Variants in GYG2 observed in about 807,000 individuals in gnomAD.
GYG2 encodes the protein glycogenin-2.
GYG2 carries 29 observed loss-of-function variants against 29.4 expected under a neutral mutation model. The ratio of observed to expected loss-of-function variants is 0.99; its 90% CI spans 0.74 to 1.35. GYG2 has a LOEUF of 1.35. GYG2 is among the 40% of genes most tolerant of loss of function. The pLI, the probability that GYG2 is intolerant of heterozygous loss-of-function variation, is 0.00. For synonymous variants in GYG2, 167 were observed against 172.3 expected (o/e 0.97, Z 0.24); for missense variants, 370 against 385.7 (o/e 0.96, Z 0.34).
At chrX:2,845,717 A>T (rs1175574525) in intron 3 of GYG2, among the ~76,000 whole-genome samples, 1 of 105,589 alleles carries the variant, frequency 9.5e-6, no homozygotes, top group African/African-American at 3.4e-5. Flanking sequence ...GTATGTACAT[A>T]TATTTATGCA....
rs748899442 is a variant in GYG2 at position 2,844,022 on chromosome X, G to A, written c.149+668G>A. Among the ~76,000 whole-genome samples the A allele has an allele frequency of 1.4e-3, 152 of 111,945 alleles. 1 individual carries two copies. In the Middle Eastern group the frequency reaches 0.014, roughly 10 times the overall value. On this transcript the variant is annotated intron_variant, in intron 3 of 10. Transcript: ENST00000398806. ...ATAAAGCAAATACATAAATAAATGCGTCTAATGAATAAAGCATAAGGCTTC... is the reference window on the plus strand; with the variant it reads ...ATAAAGCAAATACATAAATAAATGCATCTAATGAATAAAGCATAAGGCTTC...
intron 2 of GYG2, among the ~76,000 whole-genome samples, chrX:2,842,185 C>CTT (rs558149981): frequency 9.7e-6 from 1 of 102,672 alleles, no homozygotes; most frequent in African/African-American, 3.5e-5. Context: ...TCTTTCCTTT[C>CTT]TTTCTTTTTT....
chrX:2,851,848 A>C (rs754470328), intron 3 of GYG2, among the ~76,000 whole-genome samples: 23 of 112,455 alleles, frequency 2.0e-4, no homozygotes, highest in Non-Finnish European at 3.6e-4. Context: ...AGTTGTTACT[A>C]TAGTGTTTGC....
At chrX:2,857,754 G>C (rs1475690099) in intron 6 of GYG2, among the ~76,000 whole-genome samples, 3 of 110,961 alleles carry the variant, frequency 2.7e-5, no homozygotes, top group African/African-American at 9.8e-5. Context: ...GCTAGCCAAG[G>C]CTCTACGACA....
intron 6 of GYG2, among the ~76,000 whole-genome samples, chrX:2,859,547 ATAG>A (rs761168791): frequency 3.6e-5 from 4 of 110,781 alleles, no homozygotes; most frequent in East Asian, 2.8e-4. Flanking sequence ...ACATGCATTG[ATAG>A]TAGTAGTGTA....
chrX:2,863,223 C>T (rs956683911), intron 8 of GYG2, among the ~76,000 whole-genome samples: 3 of 109,435 alleles, frequency 2.7e-5, no homozygotes, highest in Non-Finnish European at 3.8e-5. Context: ...TGCAGGTGCC[C>T]GCCACCGCGC....
chrX:2,859,897 C>T lies in GYG2; in HGVS notation c.669C>T (p.Asn223=), dbSNP rs775471215. ...TTTTGGGGTCCATGAAACCTTGGAACTACAAGTACAATCCACAGAGTGGCT... is the reference window on the plus strand; with the variant it reads ...TTTTGGGGTCCATGAAACCTTGGAATTACAAGTACAATCCACAGAGTGGCT... ...VHFLGSMKPW[N]YKYNPQSGSV... Residue 223 remains asparagine (N), a synonymous_variant, in exon 7 of 11, where the codon AAC becomes AAT. Transcript: ENST00000398806. The T allele has an allele frequency of 2.5e-6, 3 of 1,206,580 alleles. No homozygotes were observed. Among genetic ancestry groups the T allele is most frequent in the Non-Finnish European group, 3.4e-6 (3 of 891,185 alleles).
intron 6 of GYG2, among the ~76,000 whole-genome samples, chrX:2,858,349 T>A (rs1569065741): frequency 9.0e-6 from 1 of 111,062 alleles, no homozygotes; most frequent in Non-Finnish European, 1.9e-5. Context: ...ACCGCTAGTC[T>A]CAGCTACTCG....
intron 10 of GYG2, among the ~76,000 whole-genome samples, chrX:2,880,063 C>A (rs1201229760): frequency 1.8e-5 from 2 of 111,272 alleles, no homozygotes; most frequent in Non-Finnish European, 3.8e-5. Flanking sequence ...ATTATTGTTA[C>A]CATCTTTAAA....
rs190069936 is a variant in GYG2, at chrX:2,837,938, G to A, written c.8-5275G>A. Among the ~76,000 whole-genome samples the A allele has an allele frequency of 7.0e-3, 768 of 109,271 alleles. 9 individuals carry two copies. The highest frequency in any genetic ancestry group is 9.4e-3 in the Non-Finnish European group (497 of 52,630). 94.9% of individuals were successfully genotyped at this position (109,271 alleles called of 115,157 possible). A position where few individuals can be genotyped will look rare whatever the true frequency, so the allele number is the denominator to read the frequency against. On this transcript the variant is annotated intron_variant, in intron 2 of 10. Coordinates refer to ENST00000398806, the MANE Select transcript of GYG2 (RefSeq NM_001079855.2). ...CTGTAACCCAAGCTGGAGTGCAGTG[G>A]CACAATTATATCTCACTGCAGCCTC...
intron 5 of GYG2, among the ~76,000 whole-genome samples, chrX:2,856,243 A>G (rs932338241): frequency 9.0e-6 from 1 of 111,645 alleles, no homozygotes; most frequent in African/African-American, 3.3e-5. Context: ...TGGACTCCAT[A>G]TGCAATTTTA....
At chrX:2,830,276 C>T in intron 2 of GYG2, 81 bp downstream of exon 2, 1 of 881,569 alleles carries the variant, frequency 1.1e-6, no homozygotes. Flanking sequence ...TGGGGAGAAC[C>T]CCACTTTGAC....
In GYG2 at chrX:2,881,042, T is replaced by C. The variant is rs1416737690; in HGVS notation, c.1252-10T>C. 8.3e-7 allele frequency: 1 copy of C among 1,206,747 alleles called. No homozygotes were observed. The highest frequency in any genetic ancestry group is 1.8e-5 in the African/African-American group (1 of 57,136). On this transcript the variant is annotated splice_polypyrimidine_tract_variant and intron_variant, in intron 10 of 10. Transcript: ENST00000398806. ...TGCAAAAACCATCTCCCACTGACTG[T>C]CTTCCCTAGGTCGACCTGGCCGTCT...
chrX:2,851,214 A>C (rs1286462739), intron 3 of GYG2, among the ~76,000 whole-genome samples: 1 of 111,436 alleles, frequency 9.0e-6, no homozygotes, highest in Non-Finnish European at 1.9e-5. Flanking sequence ...GTAATGGTCA[A>C]TTGTTTTATA....
At chrX:2,847,774 G>A in intron 3 of GYG2, among the ~76,000 whole-genome samples, 1 of 110,167 alleles carries the variant, frequency 9.1e-6, no homozygotes, top group East Asian at 2.8e-4. Context: ...TATAAATATA[G>A]AGGTAAACAT....
intron 2 of GYG2, among the ~76,000 whole-genome samples, chrX:2,833,623 C>T (rs2087313670): frequency 9.0e-6 from 1 of 111,707 alleles, no homozygotes; most frequent in South Asian, 3.8e-4. Flanking sequence ...TTGTCACTCA[C>T]GTCCTGATGA....
At chrX:2,877,113 C>A (rs2088619989) in intron 9 of GYG2, 87 bp from the exon 10 acceptor site, 9 of 1,129,971 alleles carry the variant, frequency 8.0e-6, no homozygotes, top group Non-Finnish European at 1.1e-5. Context: ...TATTTTACCC[C>A]AGGATAAAGA....
chrX:2,870,897 CTTG>C (rs923488350), intron 8 of GYG2, among the ~76,000 whole-genome samples: 2 of 111,419 alleles, frequency 1.8e-5, no homozygotes, highest in Non-Finnish European at 3.8e-5. Flanking sequence ...TTGGTCTTTT[CTTG>C]TTGTATGATA....
At chrX:2,874,416 G>C (rs975615866) in intron 8 of GYG2, among the ~76,000 whole-genome samples, 1 of 112,472 alleles carries the variant, frequency 8.9e-6, no homozygotes, top group Non-Finnish European at 1.9e-5. Flanking sequence ...CTTCATTTTA[G>C]ATATTACTTC....
Sources: allele counts gnomAD v4.1 joint callset (sites outside exome capture counted in the v4.1 genomes callset), GRCh38; gene constraint gnomAD v4.1.1; transcripts MANE v1.5; gene names NCBI Gene and HGNC (gene_info 2026-07-23, HGNC 2026-07-21).